CYBRD1: variants seen among roughly 807,000 people sequenced by gnomAD.
CYBRD1 encodes the protein cytochrome b reductase 1.
A neutral mutation model predicts 21.9 loss-of-function variants in CYBRD1; 14 were observed. That is an observed-to-expected ratio of 0.64 (90% CI 0.42 to 1.00). CYBRD1 has a LOEUF of 1.00. CYBRD1 is among the 50% of genes least tolerant of loss of function. The pLI, the probability that CYBRD1 is intolerant of heterozygous loss-of-function variation, is 0.00. For missense variants in CYBRD1, 328 were observed against 352.5 expected, an observed-to-expected ratio of 0.93 and a Z score of 0.56; for synonymous variants, 146 against 136.5, an observed-to-expected ratio of 1.07 and a Z score of -0.48.
rs763817133 is a variant in CYBRD1 at position 171,541,631 on chromosome 2, C to G, written c.240C>G (p.Leu80=). The change falls in exon 2 of 4, where the codon CTC becomes CTG. Residue 80 remains leucine (L), a synonymous_variant. Coordinates refer to ENST00000321348, the MANE Select transcript of CYBRD1 (RefSeq NM_024843.4). ...RLPWTWKCSK[L]LMKSIHAGLN... ...CGTGGACCTGGAAATGCAGCAAGCT[C>G]CTGATGAAATCCATCCATGCAGGGT... 2 of 1,613,784 alleles carry G rather than the reference C, an allele frequency of 1.2e-6. No individual in the cohort carries two copies. Among genetic ancestry groups the G allele is most frequent in the Non-Finnish European group, 1.7e-6 (2 of 1,179,974 alleles).
rs1683471769 is a variant in CYBRD1, at chr2:171,555,573, A to G, written c.*746A>G. On this transcript the variant is annotated 3_prime_UTR_variant, in exon 4 of 4. Coordinates refer to ENST00000321348, the MANE Select transcript of CYBRD1 (RefSeq NM_024843.4). ...ATGCTAAACTTCTTAGAATGAAAAT[A>G]TGCTTCAACACTTAAGTAGCATACA... The G allele has an allele frequency of 6.6e-6, 1 of 152,302 alleles. No homozygotes were observed. The highest frequency in any genetic ancestry group is 6.5e-5 in the Admixed American group (1 of 15,288). 9.4% of individuals were successfully genotyped at this position (152,302 alleles called of 1,614,324 possible).
At chr2:171,537,597 G>A (rs1697564430) in intron 1 of CYBRD1, among the ~76,000 whole-genome samples, 1 of 152,186 alleles carries the variant, frequency 6.6e-6, no homozygotes, top group African/African-American at 2.4e-5. Flanking sequence ...AAAAAAACCT[G>A]AATAAGGTCA....
intron 1 of CYBRD1, among the ~76,000 whole-genome samples, chr2:171,535,365 C>T (rs1455530962): frequency 6.6e-6 from 1 of 152,178 alleles, no homozygotes; most frequent in African/African-American, 2.4e-5. Flanking sequence ...ATATTCTATT[C>T]ATTCTACTGC....
chr2:171,527,038 A>G (rs1697395778), intron 1 of CYBRD1, among the ~76,000 whole-genome samples: 1 of 152,216 alleles, frequency 6.6e-6, no homozygotes, highest in Non-Finnish European at 1.5e-5. Context: ...CCAAATTCCA[A>G]GATTACTTAA....
chr2:171,535,781 G>C (rs1205744387), intron 1 of CYBRD1, among the ~76,000 whole-genome samples: 1 of 151,884 alleles, frequency 6.6e-6, no homozygotes, highest in Non-Finnish European at 1.5e-5. Flanking sequence ...TGGGACTATA[G>C]GCACACACTG....
chr2:171,531,925 G>A (rs968450722), intron 1 of CYBRD1, among the ~76,000 whole-genome samples: 14 of 152,036 alleles, frequency 9.2e-5, no homozygotes, highest in African/African-American at 3.1e-4. Flanking sequence ...CTGCCTTTGC[G>A]AGGATTTTAA....
chr2:171,545,498 C>A (rs1057264366), intron 2 of CYBRD1, among the ~76,000 whole-genome samples: 2 of 150,936 alleles, frequency 1.3e-5, no homozygotes, highest in Non-Finnish European at 1.5e-5. Flanking sequence ...CCTGCCTCAG[C>A]CTCCCGAGTA....
chr2:171,548,709 C>A (rs2105344920), intron 2 of CYBRD1, among the ~76,000 whole-genome samples: 1 of 140,288 alleles, frequency 7.1e-6, no homozygotes, highest in East Asian at 2.1e-4. Context: ...TAGATATTTT[C>A]TGGTCTCATT....
chr2:171,534,069 T>C (rs1329316704), intron 1 of CYBRD1, among the ~76,000 whole-genome samples: 1 of 152,240 alleles, frequency 6.6e-6, no homozygotes, highest in Non-Finnish European at 1.5e-5. Flanking sequence ...TGTCTTAAGA[T>C]AATTATACAC....
intron 2 of CYBRD1, among the ~76,000 whole-genome samples, chr2:171,549,320 G>A (rs558576205): frequency 1.1e-4 from 17 of 152,284 alleles, no homozygotes; most frequent in African/African-American, 4.1e-4. Flanking sequence ...CTGGCCTCAA[G>A]TGATCCACCC....
At chr2:171,534,453 T>C (rs1454345234) in intron 1 of CYBRD1, among the ~76,000 whole-genome samples, 1 of 152,260 alleles carries the variant, frequency 6.6e-6, no homozygotes, top group African/African-American at 2.4e-5. Flanking sequence ...TTAGGAAATA[T>C]GGCTTGGTTT....
chr2:171,523,288 G>A (rs767394851), intron 1 of CYBRD1: 1 of 432,934 alleles, frequency 2.3e-6, no homozygotes, highest in South Asian at 1.7e-5. Context: ...GAATTTGCCC[G>A]TATTTGTAAC....
rs1004434726 is a variant in CYBRD1, at chr2:171,536,201, C to A, written c.194-5384C>A. ...CCAGGCAGGGTGGAGTGCAATGGTGCGATCTCAGCTTACCTCAACCTCTGC... is the reference window on the plus strand; with the variant it reads ...CCAGGCAGGGTGGAGTGCAATGGTGAGATCTCAGCTTACCTCAACCTCTGC... On this transcript the variant is annotated intron_variant, in intron 1 of 3. Coordinates refer to ENST00000321348, the MANE Select transcript of CYBRD1 (RefSeq NM_024843.4). 7.3e-5 allele frequency among the ~76,000 whole-genome samples: 10 copies of A among 137,268 alleles called. No homozygotes were observed. In the Admixed American group the frequency reaches 8.2e-4, roughly 11 times the overall value. 90.1% of individuals were successfully genotyped at this position (137,268 alleles called of 152,430 possible).
chr2:171,535,493 C>A (rs1044174887), intron 1 of CYBRD1, among the ~76,000 whole-genome samples: 4 of 125,236 alleles, frequency 3.2e-5, no homozygotes, highest in African/African-American at 1.2e-4. Flanking sequence ...ACACATTTCT[C>A]TGTGATGCTT....
At chr2:171,537,620 A>G (rs1697564739) in intron 1 of CYBRD1, among the ~76,000 whole-genome samples, 11 of 152,202 alleles carry the variant, frequency 7.2e-5, no homozygotes, top group Admixed American at 7.2e-4. Flanking sequence ...GGATTGTATC[A>G]ATGTCAATTT....
intron 2 of CYBRD1, among the ~76,000 whole-genome samples, chr2:171,549,322 G>A (rs1012356384): frequency 2.0e-5 from 3 of 152,098 alleles, no homozygotes; most frequent in Non-Finnish European, 4.4e-5. Context: ...GGCCTCAAGT[G>A]ATCCACCCAC....
chr2:171,523,405 C>A (rs372817967), intron 1 of CYBRD1: 7 of 237,526 alleles, frequency 2.9e-5, no homozygotes, highest in Non-Finnish European at 4.6e-5. Context: ...GGGAAGCTGC[C>A]AGGACTTCCA....
rs755952740 is a variant in CYBRD1, at chr2:171,553,916, A to T, written c.557+416A>T. On this transcript the variant is annotated intron_variant, in intron 3 of 3. Transcript: ENST00000321348. ...CACAAACAAAGCAAGTAAAGAATGA[A>T]GCAACAAAAGCAGAGAGTTACTGAA... Among the ~76,000 whole-genome samples the T allele has an allele frequency of 2.0e-4, 30 of 152,222 alleles. 1 individual carries two copies. The highest frequency in any genetic ancestry group is 3.8e-4 in the Non-Finnish European group (26 of 68,040).
intron 2 of CYBRD1, among the ~76,000 whole-genome samples, chr2:171,545,506 G>A (rs1019872748): frequency 1.3e-5 from 2 of 148,582 alleles, no homozygotes; most frequent in African/African-American, 5.0e-5. Context: ...AGCCTCCCGA[G>A]TAGCTGGGAT....
Sources: allele counts gnomAD v4.1 joint callset (sites outside exome capture counted in the v4.1 genomes callset), GRCh38; gene constraint gnomAD v4.1.1; transcripts MANE v1.5; gene names NCBI Gene and HGNC (gene_info 2026-07-23, HGNC 2026-07-21).